Variants in PDE1A observed in about 807,000 individuals in gnomAD.
PDE1A encodes the protein phosphodiesterase 1A.
Under a neutral mutation model 61.7 loss-of-function variants are expected in PDE1A, and 35 were observed. The observed-to-expected ratio is 0.57, with a 90% CI of 0.43 to 0.75. PDE1A has a LOEUF of 0.75. PDE1A is among the 30% of genes least tolerant of loss of function. The probability of loss-of-function intolerance (pLI) is 0.00; values close to 1 mark genes in which losing one functional copy is unlikely to be tolerated. For synonymous variants in PDE1A, 232 were observed against 213.2 expected, an observed-to-expected ratio of 1.09 and a Z score of -0.77; for missense variants, 597 against 630.6, an observed-to-expected ratio of 0.95 and a Z score of 0.57.
intron 1 of PDE1A, among the ~76,000 whole-genome samples, chr2:182,267,945 T>G (rs544466738): frequency 6.6e-6 from 1 of 152,210 alleles, no homozygotes; most frequent in East Asian, 1.9e-4. Flanking sequence ...TCTTAAGCCA[T>G]CCAATAGACA....
At chr2:182,684,790 A>T in the PDE1A span, among the ~76,000 whole-genome samples, 1 of 152,212 alleles carries the variant, frequency 6.6e-6, no homozygotes, top group Non-Finnish European at 1.5e-5. Flanking sequence ...ATCTCAAAAC[A>T]TATAATTTTT....
At chr2:182,204,902 G>A (rs553686757) in intron 8 of PDE1A, among the ~76,000 whole-genome samples, 1 of 152,214 alleles carries the variant, frequency 6.6e-6, no homozygotes, top group South Asian at 2.1e-4. Flanking sequence ...GCAAAAATGA[G>A]CCCATATCTC....
intron 1 of PDE1A, among the ~76,000 whole-genome samples, chr2:182,277,345 T>C (rs1172352261): frequency 6.6e-6 from 1 of 152,038 alleles, no homozygotes; most frequent in East Asian, 1.9e-4. Flanking sequence ...AGCCAACACT[T>C]AGGGAAAATG....
At chr2:182,169,107 T>G (rs897664611) in intron 13 of PDE1A, among the ~76,000 whole-genome samples, 2 of 152,094 alleles carry the variant, frequency 1.3e-5, no homozygotes, top group African/African-American at 4.8e-5. Flanking sequence ...AAGCATTTGG[T>G]AAACTCATAA....
intron 10 of PDE1A, among the ~76,000 whole-genome samples, 190 bp downstream of exon 10, chr2:182,201,247 CAT>C (rs1280748331): frequency 1.3e-5 from 2 of 152,114 alleles, no homozygotes; most frequent in African/African-American, 4.8e-5. Flanking sequence ...CTCTTTAAAA[CAT>C]GTATCACACT....
chr2:182,615,024 A>G, the PDE1A span, among the ~76,000 whole-genome samples: 2 of 152,244 alleles, frequency 1.3e-5, no homozygotes, highest in African/African-American at 4.8e-5. Flanking sequence ...TCCGTTAGTC[A>G]GAATATTTCA....
At chr2:182,352,207 C>T (rs186192672) in intron 1 of PDE1A, among the ~76,000 whole-genome samples, 111 of 152,304 alleles carry the variant, frequency 7.3e-4, no homozygotes, top group African/African-American at 2.5e-3. Flanking sequence ...CTACTGTTCA[C>T]GGTGTAAAAT....
Position 182,225,655 on chromosome 2 carries a change from A to T in PDE1A, c.676-1691T>A, listed in dbSNP as rs772823540. Among the ~76,000 whole-genome samples, 13 of 150,658 alleles carry T rather than the reference A, an allele frequency of 8.6e-5. 1 individual carries two copies. Among genetic ancestry groups the T allele is most frequent in the African/African-American group, 3.0e-4 (12 of 40,196 alleles). ...AAATGGCATTAGTAATCTTTCCCCT[A>T]TGGGGTTTAAAAAGAAGTTTTGGGT... On this transcript the variant is annotated intron_variant, in intron 6 of 13. Coordinates refer to ENST00000351439, the Ensembl canonical transcript of PDE1A.
chr2:182,596,638 G>A, the PDE1A span, among the ~76,000 whole-genome samples: 37 of 152,066 alleles, frequency 2.4e-4, no homozygotes, highest in African/African-American at 8.5e-4. Context: ...CAGTAACTAT[G>A]AGGCTACTGT....
At chr2:182,396,910 G>T (rs1255803999) in intron 1 of PDE1A, among the ~76,000 whole-genome samples, 1 of 152,170 alleles carries the variant, frequency 6.6e-6, no homozygotes. Flanking sequence ...ACCTCTGGTT[G>T]TATTGACTGG....
chr2:182,299,947 A>T (rs1223469392), intron 1 of PDE1A, among the ~76,000 whole-genome samples: 1 of 152,204 alleles, frequency 6.6e-6, no homozygotes, highest in Non-Finnish European at 1.5e-5. Context: ...AGCAATAAGG[A>T]CAACCACACT....
intron 2 of PDE1A, among the ~76,000 whole-genome samples, chr2:182,246,904 G>T (rs1045727268): frequency 6.6e-6 from 1 of 152,192 alleles, no homozygotes; most frequent in African/African-American, 2.4e-5. Context: ...AGAGCAGGGG[G>T]TCAATATATA....
chr2:182,291,567 G>C (rs1694538326), intron 1 of PDE1A, among the ~76,000 whole-genome samples: 1 of 152,110 alleles, frequency 6.6e-6, no homozygotes, highest in African/African-American at 2.4e-5. Flanking sequence ...GGGACCTTAA[G>C]TTTTCTGCAG....
At chr2:182,402,507 C>T (rs1702064104) in intron 1 of PDE1A, among the ~76,000 whole-genome samples, 1 of 152,158 alleles carries the variant, frequency 6.6e-6, no homozygotes, top group Non-Finnish European at 1.5e-5. Flanking sequence ...TTCCTTATAC[C>T]TTATACAGAA....
At chr2:182,181,558 T>C (rs536678772) in intron 13 of PDE1A, among the ~76,000 whole-genome samples, 33 of 152,290 alleles carry the variant, frequency 2.2e-4, no homozygotes, top group African/African-American at 7.7e-4. Context: ...GAGGAGGCAG[T>C]CTGTCCCTTA....
At chr2:182,559,158 A>G in the PDE1A span, among the ~76,000 whole-genome samples, 2 of 152,190 alleles carry the variant, frequency 1.3e-5, no homozygotes, top group South Asian at 4.1e-4. Flanking sequence ...TTATAACATT[A>G]AAATTAAAGG....
the PDE1A span, among the ~76,000 whole-genome samples, chr2:182,572,365 A>T: frequency 6.6e-6 from 1 of 152,210 alleles, no homozygotes; most frequent in Non-Finnish European, 1.5e-5. Context: ...CAGGTACAGG[A>T]GGAAGGAAAG....
the PDE1A span, among the ~76,000 whole-genome samples, chr2:182,701,003 TTC>T: frequency 0.023 from 3,470 of 150,186 alleles, 74 homozygotes; most frequent in East Asian, 0.081. Flanking sequence ...AACATGAATA[TTC>T]TGTTTACTTC....
At chr2:182,283,393 G>T (rs575789391) in intron 1 of PDE1A, among the ~76,000 whole-genome samples, 8 of 150,648 alleles carry the variant, frequency 5.3e-5, no homozygotes, top group African/African-American at 1.9e-4. Context: ...TGGTATAAAG[G>T]GTACCTGAGT....
Sources: gnomAD v4.1 joint callset for allele counts (sites outside exome capture counted in the v4.1 genomes callset) on GRCh38, gnomAD v4.1.1 for gene constraint, MANE v1.5 for transcripts, NCBI Gene and HGNC (gene_info 2026-07-23, HGNC 2026-07-21) for gene names.